Variants in ROCK1 observed in about 807,000 individuals in gnomAD.
ROCK1 encodes the protein Rho associated coiled-coil containing protein kinase 1, also known as rho-associated protein kinase 1.
In ROCK1, 36 loss-of-function variants were observed where a neutral mutation model predicts 196.8. The observed-to-expected ratio is 0.18, with a 90% CI of 0.14 to 0.24. ROCK1 has a LOEUF of 0.24. Among genes scored for constraint, ROCK1 ranks in the 10% least tolerant of loss-of-function variants. The pLI, the probability that ROCK1 is intolerant of heterozygous loss-of-function variation, is 1.00. For synonymous variants in ROCK1, 443 were observed against 515.9 expected, an observed-to-expected ratio of 0.86 and a Z score of 1.91; for missense variants, 920 against 1,562.0, an observed-to-expected ratio of 0.59 and a Z score of 6.93.
rs142692548 is a variant in ROCK1 at position 21,076,598 on chromosome 18, G to C, written c.94-5985C>G. ...CATAAAAATTTTTGTATTTGTAGTAGAGATGGGGTTTCACCATGTTGGCCA... is the reference window on the plus strand; with the variant it reads ...CATAAAAATTTTTGTATTTGTAGTACAGATGGGGTTTCACCATGTTGGCCA... On this transcript the variant is annotated intron_variant, in intron 1 of 32. Coordinates refer to ENST00000399799, the MANE Select transcript of ROCK1 (RefSeq NM_005406.3). Among the ~76,000 whole-genome samples the C allele has an allele frequency of 1.8e-4, 28 of 152,100 alleles. No homozygotes were observed. The East Asian group carries it at 5.0e-3, about 27-fold the overall frequency.
chr18:21,056,314 T>C (rs1162165804), intron 2 of ROCK1, among the ~76,000 whole-genome samples: 2 of 152,222 alleles, frequency 1.3e-5, no homozygotes, highest in Non-Finnish European at 2.9e-5. Flanking sequence ...AAATTTAATG[T>C]GCCAAAAACT....
chr18:21,075,562 A>G (rs2036422476), intron 1 of ROCK1, among the ~76,000 whole-genome samples: 1 of 152,220 alleles, frequency 6.6e-6, no homozygotes, highest in South Asian at 2.1e-4. Flanking sequence ...GAGCACACTT[A>G]AATCCATGAG....
chr18:21,079,587 G>A (rs1442251060), intron 1 of ROCK1, among the ~76,000 whole-genome samples: 1 of 152,168 alleles, frequency 6.6e-6, no homozygotes, highest in Non-Finnish European at 1.5e-5. Flanking sequence ...AGGACATACT[G>A]GAGATGGTGG....
intron 2 of ROCK1, among the ~76,000 whole-genome samples, chr18:21,056,644 T>A (rs1236462983): frequency 1.3e-5 from 2 of 152,204 alleles, no homozygotes; most frequent in Admixed American, 6.5e-5. Flanking sequence ...AGTCAGATCA[T>A]GTCACTTCTC....
At chr18:20,980,877 C>CT (rs1212039303) in intron 21 of ROCK1, among the ~76,000 whole-genome samples, 1 of 143,636 alleles carries the variant, frequency 7.0e-6, no homozygotes, top group Non-Finnish European at 1.5e-5. Context: ...GATCATGCCA[C>CT]TACTCTCCAG....
At chr18:21,044,232 A>C in intron 5 of ROCK1, 46 bp from the exon 6 acceptor site, 2 of 1,417,418 alleles carry the variant, frequency 1.4e-6, no homozygotes, top group Non-Finnish European at 2.0e-6. Context: ...AACAGATTAG[A>C]CACTGTAAAA....
chr18:20,974,474 C>T (rs1381785845), intron 22 of ROCK1, among the ~76,000 whole-genome samples: 1 of 152,092 alleles, frequency 6.6e-6, no homozygotes, highest in Non-Finnish European at 1.5e-5. Flanking sequence ...CACCAGAAAA[C>T]CTATTTAATC....
chr18:20,959,794 A>G, intron 29 of ROCK1, 46 bp downstream of exon 29: 1 of 983,464 alleles, frequency 1.0e-6, no homozygotes, highest in South Asian at 1.8e-5. Context: ...ATAATTATCA[A>G]AAGTTAGCTC....
chr18:20,970,280 A>G, intron 23 of ROCK1, 68 bp downstream of exon 23: 1 of 1,238,378 alleles, frequency 8.1e-7, no homozygotes, highest in Non-Finnish European at 1.2e-6. Flanking sequence ...ACTTACCCTA[A>G]TATTTTAAGA....
intron 1 of ROCK1, among the ~76,000 whole-genome samples, chr18:21,096,293 C>G (rs576693277): frequency 1.3e-5 from 2 of 152,084 alleles, no homozygotes; most frequent in East Asian, 1.9e-4. Context: ...TCTGCCCCCC[C>G]GGGTTCAAGC....
At chr18:21,075,615 G>A (rs1239956881) in intron 1 of ROCK1, among the ~76,000 whole-genome samples, 2 of 152,128 alleles carry the variant, frequency 1.3e-5, no homozygotes, top group Non-Finnish European at 2.9e-5. Context: ...GGAGAGTAGA[G>A]AAAGACTGAA....
At chr18:21,049,413 C>T (rs1005831916) in intron 3 of ROCK1, among the ~76,000 whole-genome samples, 184 bp from the exon 4 acceptor site, 2 of 152,166 alleles carry the variant, frequency 1.3e-5, no homozygotes, top group African/African-American at 4.8e-5. Context: ...CTTTAATTAT[C>T]AGAAGTAATG....
chr18:20,962,786 C>A (rs758070714), intron 27 of ROCK1, among the ~76,000 whole-genome samples: 3 of 152,082 alleles, frequency 2.0e-5, no homozygotes, highest in South Asian at 2.1e-4. Context: ...CAATTTACAA[C>A]AATGTCATGG....
intron 2 of ROCK1, among the ~76,000 whole-genome samples, chr18:21,061,989 G>A (rs1257222970): frequency 6.6e-6 from 1 of 152,170 alleles, no homozygotes; most frequent in Non-Finnish European, 1.5e-5. Context: ...GGTAATATCA[G>A]TCTAAACACG....
At chr18:21,074,517 T>C (rs2036413220) in intron 1 of ROCK1, among the ~76,000 whole-genome samples, 1 of 152,210 alleles carries the variant, frequency 6.6e-6, no homozygotes, top group Non-Finnish European at 1.5e-5. Context: ...AGGCTCACTC[T>C]ACCCTATGGG....
chr18:21,015,757 A>C (rs2035856980), intron 12 of ROCK1, among the ~76,000 whole-genome samples: 1 of 151,808 alleles, frequency 6.6e-6, no homozygotes, highest in African/African-American at 2.4e-5. Context: ...GGATCATCTG[A>C]GGTCAGGAGT....
rs1288752298 is a variant in ROCK1 at position 20,949,892 on chromosome 18, TTTTA to T, written c.*1488_*1491del. 1 of 152,682 alleles carries T rather than the reference TTTTA, an allele frequency of 6.5e-6. No individual in the cohort carries two copies. Among genetic ancestry groups the T allele is most frequent in the Non-Finnish European group, 1.5e-5 (1 of 68,044 alleles). The allele number at this position is 152,682 out of a possible 1,614,324, so 9.5% of individuals were successfully genotyped here. On this transcript the variant is annotated 3_prime_UTR_variant, in exon 33 of 33. Transcript: ENST00000399799. ...TTAAAGATACCCATCCATAAATTAC[TTTTA>T]TTTCTCATTAAATGAGCACAGAGTC...
At chr18:21,067,720 A>G (rs1249437060) in intron 2 of ROCK1, among the ~76,000 whole-genome samples, 2 of 152,078 alleles carry the variant, frequency 1.3e-5, no homozygotes, top group Admixed American at 1.3e-4. Context: ...AGCATAAATA[A>G]AAGTTTTTTA....
rs370993144 is a variant in ROCK1, at chr18:21,088,814, G to A, written c.94-18201C>T. Among the ~76,000 whole-genome samples the A allele has an allele frequency of 2.0e-5, 3 of 152,058 alleles. No individual in the cohort carries two copies. In the South Asian group the frequency reaches 6.2e-4, roughly 32 times the overall value. On this transcript the variant is annotated intron_variant, in intron 1 of 32. Transcript: ENST00000399799. ...GAGGACATACTGACCCCTCCCTTCT[G>A]GAGGATGCAGCTTTCCAGGCACCTT... is the stretch of plus-strand genomic sequence containing the variant.
Sources: gnomAD v4.1 joint callset for allele counts (sites outside exome capture counted in the v4.1 genomes callset) on GRCh38, gnomAD v4.1.1 for gene constraint, MANE v1.5 for transcripts, NCBI Gene and HGNC (gene_info 2026-07-23, HGNC 2026-07-21) for gene names.